The following RTN1 variants were observed in gnomAD, a reference collection of about 807,000 sequenced individuals.
The protein encoded by RTN1 is reticulon-1.
A neutral mutation model predicts 65.5 loss-of-function variants in RTN1; 25 were observed. The observed-to-expected ratio is 0.38, with a 90% CI of 0.28 to 0.53. The LOEUF is 0.53. Among genes scored for constraint, RTN1 ranks in the 20% least tolerant of loss-of-function variants. The pLI, the probability that RTN1 is intolerant of heterozygous loss-of-function variation, is 0.79. For synonymous variants in RTN1, 471 were observed against 447.6 expected, an observed-to-expected ratio of 1.05 and a Z score of -0.66; for missense variants, 983 against 1,025.4, an observed-to-expected ratio of 0.96 and a Z score of 0.57.
chr14:59,727,609 C>A lies in RTN1; in HGVS notation c.1075G>T (p.Ala359Ser). The change falls in exon 3 of 9, where the codon GCC (alanine) becomes TCC (serine). Residue 359 changes from alanine to serine, a missense_variant. Physicochemically the swap from Ala to Ser is moderately conservative, Grantham distance 99. Coordinates refer to ENST00000267484, the MANE Select transcript of RTN1 (RefSeq NM_021136.3). This position sits in a 1 kb window ranked among gnomAD's most constrained non-coding sequence, Gnocchi z 4.2. The part of the protein sequence containing the change: ...GSISEDELIT[A>S]IKEAKGLSYE... ...GATAATCCCTTTGCTTCTTTGATGG[C>A]GGTGATCAGCTCATCCTCGGAGATG... 6.2e-7 allele frequency: 1 copy of A among 1,612,360 alleles called. No homozygotes were observed. Among genetic ancestry groups the A allele is most frequent in the East Asian group, 2.2e-5 (1 of 44,854 alleles).
chr14:59,774,214 A>G lies in RTN1; in HGVS notation c.242-27733T>C, dbSNP rs985106640. 1.1e-4 allele frequency among the ~76,000 whole-genome samples: 17 copies of G among 152,148 alleles called. No individual in the cohort carries two copies. Among genetic ancestry groups the G allele is most frequent in the African/African-American group, 3.9e-4 (16 of 41,454 alleles). Reference sequence around the variant, plus strand: ...TGATGGCACAGCTCTTTATTTTTCTATGGCAAAGAATGTGAATCTCTTACT... The same window carrying G: ...TGATGGCACAGCTCTTTATTTTTCTGTGGCAAAGAATGTGAATCTCTTACT... On this transcript the variant is annotated intron_variant, in intron 1 of 8. Transcript: ENST00000267484. This position sits in a 1 kb window ranked among gnomAD's most constrained non-coding sequence, Gnocchi z 5.1.
At chr14:59,819,873 C>T (rs1229351142) in intron 1 of RTN1, among the ~76,000 whole-genome samples, 1 of 152,142 alleles carries the variant, frequency 6.6e-6, no homozygotes, top group Non-Finnish European at 1.5e-5. Context: ...GTGCGGGGCC[C>T]CTTGAGCCCG....
At chr14:59,823,796 T>G (rs1255872873) in intron 1 of RTN1, among the ~76,000 whole-genome samples, 1 of 152,224 alleles carries the variant, frequency 6.6e-6, no homozygotes, top group East Asian at 1.9e-4. Flanking sequence ...TCTCTGAATT[T>G]ACACGTCAAC....
Position 59,870,666 on chromosome 14 carries a change from G to A in RTN1, c.-36C>T. 1 of 1,344,412 alleles carries A rather than the reference G, an allele frequency of 7.4e-7. No individual in the cohort carries two copies. The allele number at this position is 1,344,412 out of a possible 1,614,324, so 83.3% of individuals were successfully genotyped here. On this transcript the variant is annotated 5_prime_UTR_variant, in exon 1 of 9. Coordinates refer to ENST00000267484, the MANE Select transcript of RTN1 (RefSeq NM_021136.3). This position sits in a 1 kb window ranked among gnomAD's most constrained non-coding sequence, Gnocchi z 5.1. ...CCCCCGGCGCGGCGACGGCGGCTTG[G>A]CTGGGCAGAGGCTCGGTGGCTGCGC...
At position 59,760,366 on chromosome 14, in the gene RTN1, T is replaced by C. The variant is rs1451015234; in HGVS notation, c.242-13885A>G. Among the ~76,000 whole-genome samples, 5 of 152,184 alleles carry C rather than the reference T, an allele frequency of 3.3e-5. No homozygotes were observed. The East Asian group carries it at 9.6e-4, about 29-fold the overall frequency. On this transcript the variant is annotated intron_variant, in intron 1 of 8. Transcript: ENST00000267484. ...GCATAAAGAAAACACTGAGAGAGTA[T>C]ACAAGAAACCAATTCTTAACCATGG... is the stretch of plus-strand genomic sequence containing the variant.
chr14:59,710,201 C>T (rs1594692236), intron 3 of RTN1, among the ~76,000 whole-genome samples: 1 of 151,838 alleles, frequency 6.6e-6, no homozygotes, highest in Non-Finnish European at 1.5e-5. Context: ...CACCACCATA[C>T]CTGGCCAATT....
chr14:59,627,696 T>G (rs899132093), intron 3 of RTN1, among the ~76,000 whole-genome samples: 5 of 152,222 alleles, frequency 3.3e-5, no homozygotes, highest in African/African-American at 7.2e-5. Flanking sequence ...TCTTTAAACA[T>G]TCTTGTCTGT....
At chr14:59,634,420 A>G (rs1186999596) in intron 3 of RTN1, among the ~76,000 whole-genome samples, 1 of 152,216 alleles carries the variant, frequency 6.6e-6, no homozygotes, top group Non-Finnish European at 1.5e-5. Flanking sequence ...AAAGGCAACC[A>G]GTTTGGCACA....
At chr14:59,663,050 T>C (rs1459001674) in intron 3 of RTN1, among the ~76,000 whole-genome samples, 2 of 152,194 alleles carry the variant, frequency 1.3e-5, no homozygotes, top group African/African-American at 4.8e-5. Flanking sequence ...AACAGCATGG[T>C]ACTGCTACCA....
chr14:59,722,792 T>C (rs1884672655), intron 3 of RTN1, among the ~76,000 whole-genome samples: 1 of 151,398 alleles, frequency 6.6e-6, no homozygotes, highest in African/African-American at 2.4e-5. Flanking sequence ...TAGGGAACTT[T>C]TAACTTTTTT....
At chr14:59,822,807 A>AT (rs746799846) in intron 1 of RTN1, among the ~76,000 whole-genome samples, 24 of 150,974 alleles carry the variant, frequency 1.6e-4, no homozygotes, top group South Asian at 8.4e-4. Flanking sequence ...ATGTAATTGT[A>AT]TGGCTCTGAG....
At chr14:59,612,363 C>T (rs1418465060) in intron 3 of RTN1, among the ~76,000 whole-genome samples, 1 of 152,150 alleles carries the variant, frequency 6.6e-6, no homozygotes, top group Non-Finnish European at 1.5e-5. Context: ...ACCCAGAAAC[C>T]TGGTATGCCA....
chr14:59,851,142 G>A (rs1887499732), intron 1 of RTN1, among the ~76,000 whole-genome samples: 2 of 152,110 alleles, frequency 1.3e-5, no homozygotes, highest in Admixed American at 6.5e-5. Context: ...TCATATTGAC[G>A]TGATAATACA....
chr14:59,675,032 C>T (rs1319867204), intron 3 of RTN1, among the ~76,000 whole-genome samples: 2 of 150,844 alleles, frequency 1.3e-5, no homozygotes, highest in Admixed American at 1.3e-4. Flanking sequence ...CAATACAGCC[C>T]AGTGGGGTAT....
chr14:59,627,698 C>G (rs1326098808), intron 3 of RTN1, among the ~76,000 whole-genome samples: 1 of 152,250 alleles, frequency 6.6e-6, no homozygotes, highest in African/African-American at 2.4e-5. Context: ...TTTAAACATT[C>G]TTGTCTGTAG....
At chr14:59,658,656 G>C (rs545633348) in intron 3 of RTN1, among the ~76,000 whole-genome samples, 1 of 152,138 alleles carries the variant, frequency 6.6e-6, no homozygotes, top group Non-Finnish European at 1.5e-5. Flanking sequence ...TGTTAGAAGG[G>C]AAGCTAACAA....
chr14:59,815,144 T>C (rs1402290542), intron 1 of RTN1, among the ~76,000 whole-genome samples: 1 of 152,246 alleles, frequency 6.6e-6, no homozygotes, highest in Admixed American at 6.5e-5. Context: ...AATGATTTCA[T>C]TTCAGAAAGC....
At position 59,696,788 on chromosome 14, in the gene RTN1, G is replaced by A. The variant is rs796618042; in HGVS notation, c.1765+30131C>T. On this transcript the variant is annotated intron_variant, in intron 3 of 8. Transcript: ENST00000267484. ...AGGAGTCTCTTACAAAGCAGATTCA[G>A]GTAAATAGGATAGGAAACAATTTTT... 1.1e-4 allele frequency among the ~76,000 whole-genome samples: 16 copies of A among 152,208 alleles called. 1 individual carries two copies. The highest frequency in any genetic ancestry group is 3.6e-4 in the African/African-American group (15 of 41,506).
rs1302432971 is a variant in RTN1 at position 59,836,970 on chromosome 14, C to CT, written c.241+33419dup. On this transcript the variant is annotated intron_variant, in intron 1 of 8. Transcript: ENST00000267484. This position sits in a 1 kb window ranked among gnomAD's most constrained non-coding sequence, Gnocchi z 4.9. Reference sequence around the variant, plus strand: ...AAATTTTAATCAAATGCTTTGCTGACTTTTTTTATTTGTAGCCTAAGAAAA... The same window carrying CT: ...AAATTTTAATCAAATGCTTTGCTGACTTTTTTTTATTTGTAGCCTAAGAAAA... Among the ~76,000 whole-genome samples the CT allele has an allele frequency of 6.6e-6, 1 of 151,956 alleles. No homozygotes were observed. Among genetic ancestry groups the CT allele is most frequent in the Admixed American group, 6.6e-5 (1 of 15,240 alleles).
Sources: gnomAD v4.1 joint callset for allele counts (sites outside exome capture counted in the v4.1 genomes callset) on GRCh38, gnomAD v4.1.1 for gene constraint, Gnocchi (gnomAD v3.1) non-coding constraint, MANE v1.5 for transcripts, NCBI Gene and HGNC (gene_info 2026-07-23, HGNC 2026-07-21) for gene names.